The following NPFFR1 variants were observed in gnomAD, a reference collection of about 807,000 sequenced individuals.
The protein encoded by NPFFR1 is neuropeptide FF receptor 1, also known as G-protein coupled receptor 147.
NPFFR1 carries 17 observed loss-of-function variants against 12.7 expected under a neutral mutation model. The ratio of observed to expected loss-of-function variants is 1.34; its 90% CI spans 0.92 to 2.01. NPFFR1 has a LOEUF of 2.01. Among genes scored for constraint, NPFFR1 ranks in the 30% most tolerant of loss-of-function variants. NPFFR1 has a pLI of 0.00. For missense variants in NPFFR1, 604 were observed against 606.5 expected (o/e 1.00, Z 0.04); for synonymous variants, 296 against 264.5 (o/e 1.12, Z -1.16).
chr10:70,275,561 C>T (rs1840795505), intron 1 of NPFFR1, among the ~76,000 whole-genome samples: 2 of 152,056 alleles, frequency 1.3e-5, no homozygotes, highest in South Asian at 2.1e-4. Flanking sequence ...CCACATTTCA[C>T]GTCCTGCTTC....
chr10:70,251,588 T>TG lies in NPFFR1; in HGVS notation c.*3368dup, dbSNP rs1293540537. 2.6e-5 allele frequency: 4 copies of TG among 151,668 alleles called. No individual in the cohort carries two copies. The highest frequency in any genetic ancestry group is 9.6e-5 in the African/African-American group (4 of 41,472). The allele number at this position is 151,668 out of a possible 1,614,324, so 9.4% of individuals were successfully genotyped here. A position where few individuals can be genotyped will look rare whatever the true frequency, so the allele number is the denominator to read the frequency against. ...GAGTCCCTCCAGGAGGCCCTCTGGG[T>TG]GGGGATGCTCAGTGTCAACAGGCCT... is the stretch of plus-strand genomic sequence containing the variant. On this transcript the variant is annotated 3_prime_UTR_variant, in exon 4 of 4. Coordinates refer to ENST00000277942, the MANE Select transcript of NPFFR1 (RefSeq NM_022146.5).
chr10:70,282,518 T>A (rs1179471909), intron 1 of NPFFR1, among the ~76,000 whole-genome samples: 1 of 152,212 alleles, frequency 6.6e-6, no homozygotes, highest in East Asian at 1.9e-4. Context: ...AAGTGCAGCC[T>A]CACAAGATTT....
At chr10:70,268,142 C>A (rs187092046) in intron 1 of NPFFR1, among the ~76,000 whole-genome samples, 174 of 152,226 alleles carry the variant, frequency 1.1e-3, no homozygotes, top group Admixed American at 0.011. Flanking sequence ...GTTATCAACT[C>A]GAGGCCTGGA....
intron 3 of NPFFR1, among the ~76,000 whole-genome samples, chr10:70,259,765 A>C (rs1840614351): frequency 6.6e-6 from 1 of 152,198 alleles, no homozygotes; most frequent in Non-Finnish European, 1.5e-5. Context: ...TGATATTTGG[A>C]CTCTATGCCA....
At chr10:70,265,808 T>C (rs527665743) in intron 2 of NPFFR1, among the ~76,000 whole-genome samples, 1 of 152,372 alleles carries the variant, frequency 6.6e-6, no homozygotes, top group South Asian at 2.1e-4. Context: ...CCATAAACTC[T>C]ACTTCACTGG....
At position 70,253,509 on chromosome 10, in the gene NPFFR1, A is replaced by G. The variant is rs1275313658; in HGVS notation, c.*1448T>C. The G allele has an allele frequency of 6.6e-6, 1 of 152,050 alleles. No homozygotes were observed. Among genetic ancestry groups the G allele is most frequent in the African/African-American group, 2.4e-5 (1 of 41,386 alleles). The allele number at this position is 152,050 out of a possible 1,614,324, so 9.4% of individuals were successfully genotyped here. A position where few individuals can be genotyped will look rare whatever the true frequency, so the allele number is the denominator to read the frequency against. On this transcript the variant is annotated 3_prime_UTR_variant, in exon 4 of 4. Transcript: ENST00000277942. ...ATAACATTCAATCTCCTTCAACCTC[A>G]TTACTATGGATTAAATGAGACGGTG...
Position 70,283,772 on chromosome 10 carries a change from T to C in NPFFR1, c.-96A>G. 1 of 1,402,750 alleles carries C rather than the reference T, an allele frequency of 7.1e-7. No homozygotes were observed. Among genetic ancestry groups the C allele is most frequent in the Non-Finnish European group, 9.7e-7 (1 of 1,029,242 alleles). The allele number at this position is 1,402,750 out of a possible 1,614,324, so 86.9% of individuals were successfully genotyped here. On this transcript the variant is annotated 5_prime_UTR_variant, in exon 1 of 4. Transcript: ENST00000277942. ...AGAGGGACGGTCTCCGGGCACTTGG[T>C]TGCGGGCTGCGCCCCTGCCTCCGCG...
intron 2 of NPFFR1, among the ~76,000 whole-genome samples, chr10:70,263,541 G>A (rs1489839855): frequency 1.3e-5 from 2 of 152,128 alleles, no homozygotes; most frequent in South Asian, 2.1e-4. Flanking sequence ...CCAAAGTGCT[G>A]GGATTACAGG....
chr10:70,253,494 A>G lies in NPFFR1; in HGVS notation c.*1463T>C, dbSNP rs918765050. On this transcript the variant is annotated 3_prime_UTR_variant, in exon 4 of 4. Coordinates refer to ENST00000277942, the MANE Select transcript of NPFFR1 (RefSeq NM_022146.5). ...CTTTGTGAAATGACAATAACATTCAATCTCCTTCAACCTCATTACTATGGA... is the reference window on the plus strand; with the variant it reads ...CTTTGTGAAATGACAATAACATTCAGTCTCCTTCAACCTCATTACTATGGA... 3 of 152,102 alleles carry G rather than the reference A, an allele frequency of 2.0e-5. No individual in the cohort carries two copies. The highest frequency in any genetic ancestry group is 7.2e-5 in the African/African-American group (3 of 41,412). 9.4% of individuals were successfully genotyped at this position (152,102 alleles called of 1,614,324 possible). A position where few individuals can be genotyped will look rare whatever the true frequency, so the allele number is the denominator to read the frequency against.
chr10:70,274,910 G>T (rs1840786938), intron 1 of NPFFR1, among the ~76,000 whole-genome samples: 1 of 152,206 alleles, frequency 6.6e-6, no homozygotes, highest in East Asian at 1.9e-4. Context: ...TCTTAGTACT[G>T]CTTAGGAAAG....
At chr10:70,271,746 G>A (rs778788890) in intron 1 of NPFFR1, among the ~76,000 whole-genome samples, 16 of 152,144 alleles carry the variant, frequency 1.1e-4, no homozygotes, top group Middle Eastern at 3.4e-3. Flanking sequence ...CAGCAGCAGC[G>A]GGGCTGATAG....
intron 1 of NPFFR1, among the ~76,000 whole-genome samples, chr10:70,279,338 G>A (rs981659925): frequency 6.6e-6 from 1 of 152,146 alleles, no homozygotes; most frequent in Admixed American, 6.5e-5. Context: ...GTAGGAATGG[G>A]GGTTCACCAT....
chr10:70,264,458 A>G (rs1840669307), intron 2 of NPFFR1, among the ~76,000 whole-genome samples: 1 of 152,150 alleles, frequency 6.6e-6, no homozygotes, highest in South Asian at 2.1e-4. Flanking sequence ...GAAACAACAT[A>G]AATACAAATC....
Position 70,255,896 on chromosome 10 carries a change from G to T in NPFFR1, c.423-69C>A. On this transcript the variant is annotated intron_variant, in intron 3 of 3. Transcript: ENST00000277942. This position sits in a 1 kb window ranked among gnomAD's most constrained non-coding sequence, Gnocchi z 4.2. ...GGCCCCTGCGAGGGGACGGTGGGTG[G>T]GATGCGGGCACCTGACCTTCATCAT... 6.7e-7 allele frequency: 1 copy of T among 1,487,030 alleles called. No individual in the cohort carries two copies. Among genetic ancestry groups the T allele is most frequent in the Non-Finnish European group, 9.1e-7 (1 of 1,104,280 alleles). The allele number at this position is 1,487,030 out of a possible 1,614,324, so 92.1% of individuals were successfully genotyped here.
intron 2 of NPFFR1, among the ~76,000 whole-genome samples, chr10:70,265,085 C>T (rs374239920): frequency 5.9e-5 from 9 of 152,194 alleles, no homozygotes; most frequent in African/African-American, 1.9e-4. Flanking sequence ...CAGTGGGTAA[C>T]GGTTCCACCA....
At chr10:70,282,224 C>T (rs1040924844) in intron 1 of NPFFR1, among the ~76,000 whole-genome samples, 3 of 152,160 alleles carry the variant, frequency 2.0e-5, no homozygotes, top group African/African-American at 4.8e-5. Flanking sequence ...CTATTTCCTC[C>T]TTATCCTCTT....
Position 70,255,472 on chromosome 10 carries a change from G to T in NPFFR1, c.778C>A (p.Arg260=). 1 of 1,548,380 alleles carries T rather than the reference G, an allele frequency of 6.5e-7. No individual in the cohort carries two copies. The highest frequency in any genetic ancestry group is 1.2e-5 in the South Asian group (1 of 83,982). ...APGGEEAADP[R]ASRRRARVVH... Reference sequence around the variant, plus strand: ...ACGCGCGCTCTGCGCCGCGATGCTCGCGGGTCCGCAGCCTCCTCGCCCCCG... The same window carrying T: ...ACGCGCGCTCTGCGCCGCGATGCTCTCGGGTCCGCAGCCTCCTCGCCCCCG... Residue 260 remains arginine, a synonymous_variant, in exon 4 of 4, where the codon CGA becomes AGA. Transcript: ENST00000277942. This position sits in a 1 kb window ranked among gnomAD's most constrained non-coding sequence, Gnocchi z 4.2.
At position 70,256,413 on chromosome 10, in the gene NPFFR1, C is replaced by T. The variant is rs902455027; in HGVS notation, c.423-586G>A. Among the ~76,000 whole-genome samples, 11 of 152,344 alleles carry T rather than the reference C, an allele frequency of 7.2e-5. No individual in the cohort carries two copies. In the South Asian group the frequency reaches 2.3e-3, roughly 32 times the overall value. ...GTACTTTTGGGGGTCAACTGATTAG[C>T]TGGCAGCTAGCAGAGCGATCAGAGT... On this transcript the variant is annotated intron_variant, in intron 3 of 3. Coordinates refer to ENST00000277942, the MANE Select transcript of NPFFR1 (RefSeq NM_022146.5).
At chr10:70,261,725 G>C (rs1300358459) in intron 2 of NPFFR1, among the ~76,000 whole-genome samples, 1 of 152,170 alleles carries the variant, frequency 6.6e-6, no homozygotes, top group Non-Finnish European at 1.5e-5. Context: ...ACCCATGCCA[G>C]GCCAGTTACA....
Sources: allele counts gnomAD v4.1 joint callset (sites outside exome capture counted in the v4.1 genomes callset), GRCh38; gene constraint gnomAD v4.1.1; non-coding constraint Gnocchi (gnomAD v3.1); transcripts MANE v1.5; gene names NCBI Gene and HGNC (gene_info 2026-07-23, HGNC 2026-07-21).